The following DPP8 variants were observed in gnomAD, a reference collection of about 807,000 sequenced individuals.
DPP8 encodes dipeptidyl peptidase 8.
Under a neutral mutation model 107.5 loss-of-function variants are expected in DPP8, and 31 were observed. That is an observed-to-expected ratio of 0.29 (90% CI 0.22 to 0.39). The LOEUF is 0.39. DPP8 is among the 10% of genes least tolerant of loss of function. The pLI is 1.00. For synonymous variants in DPP8, 381 were observed against 356.6 expected (o/e 1.07, Z -0.77); for missense variants, 842 against 1,076.1 (o/e 0.78, Z 3.04).
chr15:65,481,048 C>G (rs352460), intron 9 of DPP8, among the ~76,000 whole-genome samples: 9,151 of 151,468 alleles, frequency 0.06, 273 homozygotes, highest in African/African-American at 0.083. Flanking sequence ...TGCACCACTG[C>G]ACTCCAGCCT....
At chr15:65,450,077 C>G (rs2063864701) in intron 19 of DPP8, among the ~76,000 whole-genome samples, 1 of 94,882 alleles carries the variant, frequency 1.1e-5, no homozygotes, top group African/African-American at 3.6e-5. Flanking sequence ...AAGCAGTTCT[C>G]CTGCCTCAGC....
intron 12 of DPP8, among the ~76,000 whole-genome samples, chr15:65,473,192 G>C (rs2066060257): frequency 6.6e-6 from 1 of 151,944 alleles, no homozygotes; most frequent in Non-Finnish European, 1.5e-5. Flanking sequence ...GGGCATGGTG[G>C]TGTGTGCCTG....
At chr15:65,467,313 C>A (rs1358222920) in intron 12 of DPP8, 90 bp from the exon 13 acceptor site, 2 of 1,289,810 alleles carry the variant, frequency 1.6e-6, no homozygotes, top group Non-Finnish European at 2.2e-6. Flanking sequence ...TTGAGCCACT[C>A]CTTGACTTAT....
intron 5 of DPP8, 59 bp downstream of exon 5, chr15:65,497,805 G>A: frequency 7.8e-7 from 1 of 1,289,574 alleles, no homozygotes; most frequent in Non-Finnish European, 1.0e-6. Context: ...AATGCAAGCA[G>A]CAAATTATAC....
intron 12 of DPP8, among the ~76,000 whole-genome samples, chr15:65,473,965 G>C (rs571802845): frequency 4.6e-5 from 7 of 152,046 alleles, no homozygotes; most frequent in East Asian, 3.9e-4. Context: ...TTAGCCGGGC[G>C]TGGTGGCACA....
chr15:65,454,781 T>C (rs1402839167), intron 16 of DPP8, among the ~76,000 whole-genome samples: 1 of 152,218 alleles, frequency 6.6e-6, no homozygotes, highest in Non-Finnish European at 1.5e-5. Flanking sequence ...CGCCTCGGCC[T>C]CCCAAATTGC....
At chr15:65,509,605 T>G (rs1437626637) in intron 2 of DPP8, among the ~76,000 whole-genome samples, 2 of 152,204 alleles carry the variant, frequency 1.3e-5, no homozygotes, top group African/African-American at 4.8e-5. Flanking sequence ...AGAGGCAAAA[T>G]TAAGCATGTG....
chr15:65,476,708 T>C (rs1033033848), intron 11 of DPP8, among the ~76,000 whole-genome samples: 3 of 152,124 alleles, frequency 2.0e-5, no homozygotes, highest in East Asian at 1.9e-4. Context: ...CCCAAAAGAA[T>C]TGAAAGCAGG....
At chr15:65,453,648 G>A (rs778652685) in intron 17 of DPP8, among the ~76,000 whole-genome samples, 2 of 151,992 alleles carry the variant, frequency 1.3e-5, no homozygotes, top group Non-Finnish European at 2.9e-5. Context: ...AACCCAGGAG[G>A]TGGAGGCTGC....
At chr15:65,484,098 G>A (rs1334614233) in intron 8 of DPP8, among the ~76,000 whole-genome samples, 2 of 152,122 alleles carry the variant, frequency 1.3e-5, no homozygotes, top group Non-Finnish European at 2.9e-5. Flanking sequence ...GAAGGCCGAG[G>A]TGGGCAGATC....
chr15:65,512,613 T>A (rs1567304442), intron 1 of DPP8, 49 bp from the exon 2 acceptor site: 1 of 1,589,106 alleles, frequency 6.3e-7, no homozygotes, highest in Middle Eastern at 1.7e-4. Context: ...TCTTCTATTA[T>A]CAGAATGATT....
chr15:65,492,202 T>G (rs2068105034), intron 5 of DPP8, among the ~76,000 whole-genome samples: 1 of 151,720 alleles, frequency 6.6e-6, no homozygotes, highest in Admixed American at 6.6e-5. Flanking sequence ...TTTAGCCAGG[T>G]GTGATGGCAG....
chr15:65,489,149 T>C (rs998014193), intron 6 of DPP8, among the ~76,000 whole-genome samples: 6 of 152,030 alleles, frequency 3.9e-5, no homozygotes, highest in East Asian at 1.9e-4. Flanking sequence ...TTAGTAGAGA[T>C]GGGGTTTCAC....
chr15:65,513,310 T>G lies in DPP8; in HGVS notation c.-11-746A>C, dbSNP rs530662060. ...CTCTTTGCAAGCTCCGCCTCCCAGG[T>G]TCACGCCATTCTCTGCCTTAGCCTC... On this transcript the variant is annotated intron_variant, in intron 1 of 19. Transcript: ENST00000300141. 3.2e-4 allele frequency among the ~76,000 whole-genome samples: 48 copies of G among 152,162 alleles called. No individual in the cohort carries two copies. The South Asian group carries it at 9.7e-3, about 31-fold the overall frequency.
chr15:65,499,469 C>T (rs192062718), intron 4 of DPP8, among the ~76,000 whole-genome samples: 3 of 152,214 alleles, frequency 2.0e-5, no homozygotes, highest in African/African-American at 7.2e-5. Flanking sequence ...GTGATCTGCC[C>T]GCCTCAGCCT....
intron 5 of DPP8, 130 bp downstream of exon 5, chr15:65,497,734 A>G: frequency 1.5e-6 from 1 of 652,018 alleles, no homozygotes; most frequent in Non-Finnish European, 2.3e-6. Context: ...CCATTTTTTA[A>G]AAATTTTAAA....
chr15:65,516,897 G>A (rs1262353348), intron 1 of DPP8: 4 of 152,552 alleles, frequency 2.6e-5, no homozygotes, highest in Admixed American at 1.3e-4. Flanking sequence ...AAGAGAGATG[G>A]GAGGAATGCC....
At chr15:65,473,737 A>C (rs919921525) in intron 12 of DPP8, among the ~76,000 whole-genome samples, 1 of 152,140 alleles carries the variant, frequency 6.6e-6, no homozygotes, top group African/African-American at 2.4e-5. Context: ...AATAAATGAG[A>C]TTTATCATTT....
intron 5 of DPP8, among the ~76,000 whole-genome samples, chr15:65,496,041 T>G (rs1354688889): frequency 1.3e-5 from 2 of 151,736 alleles, no homozygotes; most frequent in African/African-American, 2.4e-5. Context: ...TGGAATGCAG[T>G]GGTGTGATCT....
Sources: allele counts gnomAD v4.1 joint callset (sites outside exome capture counted in the v4.1 genomes callset), GRCh38; gene constraint gnomAD v4.1.1; transcripts MANE v1.5; gene names NCBI Gene and HGNC (gene_info 2026-07-23, HGNC 2026-07-21).